The following MCTP2 variants were observed in gnomAD, a reference collection of about 807,000 sequenced individuals.
MCTP2 encodes multiple C2 and transmembrane domain containing 2.
In MCTP2, 132 loss-of-function variants were observed where a neutral mutation model predicts 111.6. The observed-to-expected ratio is 1.18, with a 90% CI of 1.03 to 1.37. The LOEUF (loss-of-function observed/expected upper bound fraction) is 1.37, where lower values mean the gene tolerates loss of function less well. MCTP2 is among the 40% of genes most tolerant of loss of function. The pLI is 0.00. For missense variants in MCTP2, 1,183 were observed against 1,067.9 expected, an observed-to-expected ratio of 1.11 and a Z score of -1.50; for synonymous variants, 395 against 387.7, an observed-to-expected ratio of 1.02 and a Z score of -0.22.
intron 14 of MCTP2, 88 bp downstream of exon 14, chr15:94,385,613 CT>C: frequency 2.2e-6 from 2 of 902,162 alleles, no homozygotes; most frequent in Middle Eastern, 2.2e-4. Flanking sequence ...CTTTGTCAAC[CT>C]GGGGGAAAAA....
intron 1 of MCTP2, among the ~76,000 whole-genome samples, chr15:94,266,401 C>T (rs2073533978): frequency 6.6e-6 from 1 of 152,186 alleles, no homozygotes; most frequent in Admixed American, 6.5e-5. Context: ...GTCAGGAACT[C>T]AGTCTGTTTT....
intron 17 of MCTP2, among the ~76,000 whole-genome samples, chr15:94,434,335 C>T (rs1268706511): frequency 6.6e-6 from 1 of 152,068 alleles, no homozygotes; most frequent in Non-Finnish European, 1.5e-5. Context: ...ACCTTGGCCT[C>T]ACAAAGTGCT....
chr15:94,394,352 C>T (rs188123969), intron 14 of MCTP2, among the ~76,000 whole-genome samples: 1 of 152,192 alleles, frequency 6.6e-6, no homozygotes, highest in Admixed American at 6.5e-5. Context: ...TTCCCCGGCA[C>T]ACAGTGAGCA....
intron 14 of MCTP2, among the ~76,000 whole-genome samples, chr15:94,395,790 A>G (rs1374962754): frequency 6.6e-6 from 1 of 152,194 alleles, no homozygotes; most frequent in African/African-American, 2.4e-5. Flanking sequence ...TTTCAGCAAG[A>G]CTGTCTTCAG....
intron 17 of MCTP2, among the ~76,000 whole-genome samples, chr15:94,430,591 A>G (rs1466248531): frequency 6.7e-6 from 1 of 149,890 alleles, no homozygotes; most frequent in Non-Finnish European, 1.5e-5. Flanking sequence ...AAAAAAAAAA[A>G]AAAAAAATTA....
At chr15:94,306,971 T>C (rs1161556504) in intron 2 of MCTP2, among the ~76,000 whole-genome samples, 1 of 152,168 alleles carries the variant, frequency 6.6e-6, no homozygotes, top group Non-Finnish European at 1.5e-5. Flanking sequence ...ACGTCATTTT[T>C]ACTATTTTTG....
chr15:94,444,871 A>T (rs1361846904), intron 19 of MCTP2, among the ~76,000 whole-genome samples: 2 of 152,184 alleles, frequency 1.3e-5, no homozygotes, highest in African/African-American at 4.8e-5. Flanking sequence ...GTAGAAGAGG[A>T]TGTCCTCCCC....
chr15:94,411,992 C>G (rs1197071170), intron 17 of MCTP2, among the ~76,000 whole-genome samples: 1 of 152,092 alleles, frequency 6.6e-6, no homozygotes, highest in Non-Finnish European at 1.5e-5. Flanking sequence ...CAAAACAAAA[C>G]AGAAATATAC....
chr15:94,245,357 TATATATATTTACATAC>T (rs2071800326), intron 1 of MCTP2, among the ~76,000 whole-genome samples: 8 of 103,852 alleles, frequency 7.7e-5, no homozygotes, highest in Non-Finnish European at 1.0e-4. Flanking sequence ...CATACATATG[TATATATATTTACATAC>T]ATATGTATAT....
At chr15:94,421,660 C>T (rs945539537) in intron 17 of MCTP2, among the ~76,000 whole-genome samples, 2 of 152,192 alleles carry the variant, frequency 1.3e-5, no homozygotes, top group African/African-American at 4.8e-5. Flanking sequence ...GACCTTGTTT[C>T]TGCCCTCATG....
At chr15:94,272,957 T>C (rs2073989684) in intron 1 of MCTP2, among the ~76,000 whole-genome samples, 2 of 152,220 alleles carry the variant, frequency 1.3e-5, no homozygotes, top group Non-Finnish European at 2.9e-5. Flanking sequence ...TTCACAATCA[T>C]GTGTCCAGCT....
chr15:94,273,399 C>T (rs1438130169), intron 1 of MCTP2: 1 of 152,190 alleles, frequency 6.6e-6, no homozygotes, highest in Non-Finnish European at 1.5e-5. Context: ...CATAACTAGA[C>T]AATCCCCATA....
intron 17 of MCTP2, among the ~76,000 whole-genome samples, chr15:94,417,691 G>A (rs2082436381): frequency 6.6e-6 from 1 of 152,030 alleles, no homozygotes; most frequent in Non-Finnish European, 1.5e-5. Flanking sequence ...GTTTTTAGTG[G>A]CAAGTATGTG....
chr15:94,389,942 G>T (rs2080775813), intron 14 of MCTP2, among the ~76,000 whole-genome samples: 1 of 151,410 alleles, frequency 6.6e-6, no homozygotes, highest in South Asian at 2.1e-4. Flanking sequence ...TAAATGAAGA[G>T]CCTGTTCCAA....
At position 94,348,254 on chromosome 15, in the gene MCTP2, C is replaced by T. The variant is rs1055881713; in HGVS notation, c.1005+3090C>T. 2.6e-5 allele frequency among the ~76,000 whole-genome samples: 4 copies of T among 151,480 alleles called. No individual in the cohort carries two copies. In the East Asian group the frequency reaches 5.9e-4, roughly 22 times the overall value. On this transcript the variant is annotated intron_variant, in intron 8 of 22. Coordinates refer to ENST00000357742, the MANE Select transcript of MCTP2 (RefSeq NM_001385001.1). ...ACCTCTGCAGGATACATTCTCTAGG[C>T]ACTCCTATCAGCTGGCCTCCACCTG...
rs541910827 is a variant in MCTP2, at chr15:94,244,848, ATG to A, written c.-66+13186_-66+13187del. Reference sequence around the variant, plus strand: ...TATGCACCTATGTTTATATACGTATATGTATACACATACATATGCACCTATGT... The same window carrying A: ...TATGCACCTATGTTTATATACGTATATATACACATACATATGCACCTATGT... On this transcript the variant is annotated intron_variant, in intron 1 of 22. Coordinates refer to ENST00000357742, the MANE Select transcript of MCTP2 (RefSeq NM_001385001.1). 1.6e-4 allele frequency among the ~76,000 whole-genome samples: 23 copies of A among 143,598 alleles called. No individual in the cohort carries two copies. The East Asian group carries it at 4.0e-3, about 25-fold the overall frequency. 94.2% of individuals were successfully genotyped at this position (143,598 alleles called of 152,430 possible). A position where few individuals can be genotyped will look rare whatever the true frequency, so the allele number is the denominator to read the frequency against.
intron 2 of MCTP2, among the ~76,000 whole-genome samples, chr15:94,304,702 G>A (rs1377495792): frequency 6.6e-6 from 1 of 152,172 alleles, no homozygotes; most frequent in East Asian, 1.9e-4. Flanking sequence ...TGGGCTCCAT[G>A]CTGAATGGCA....
At chr15:94,416,939 G>A (rs892848426) in intron 17 of MCTP2, among the ~76,000 whole-genome samples, 3 of 152,132 alleles carry the variant, frequency 2.0e-5, no homozygotes, top group Non-Finnish European at 2.9e-5. Flanking sequence ...TAGTTTATAA[G>A]TAATGTGAGA....
At chr15:94,284,274 A>C (rs1485728194) in intron 1 of MCTP2, among the ~76,000 whole-genome samples, 1 of 152,200 alleles carries the variant, frequency 6.6e-6, no homozygotes, top group African/African-American at 2.4e-5. Flanking sequence ...TTAACAACCA[A>C]ATATTCTTCA....
Sources: allele counts gnomAD v4.1 joint callset (sites outside exome capture counted in the v4.1 genomes callset), GRCh38; gene constraint gnomAD v4.1.1; transcripts MANE v1.5; gene names NCBI Gene and HGNC (gene_info 2026-07-23, HGNC 2026-07-21).